The following SORCS1 variants were observed in gnomAD, a reference collection of about 807,000 sequenced individuals.
The protein encoded by SORCS1 is sortilin related VPS10 domain containing receptor 1.
In SORCS1, 60 loss-of-function variants were observed where a neutral mutation model predicts 146.1. That is an observed-to-expected ratio of 0.41 (90% CI 0.33 to 0.51). SORCS1 has a LOEUF of 0.51. Ranked by LOEUF, SORCS1 falls within the 20% of genes least tolerant of loss-of-function variation. The pLI, the probability that SORCS1 is intolerant of heterozygous loss-of-function variation, is 0.21. For synonymous variants in SORCS1, 637 were observed against 584.0 expected (o/e 1.09, Z -1.31); for missense variants, 1,352 against 1,487.6 (o/e 0.91, Z 1.50).
At chr10:106,690,015 A>C (rs1339771671) in intron 9 of SORCS1, among the ~76,000 whole-genome samples, 1 of 152,224 alleles carries the variant, frequency 6.6e-6, no homozygotes, top group Non-Finnish European at 1.5e-5. Flanking sequence ...CTCAGGAAAC[A>C]AGGTGCATTC....
At chr10:106,809,212 AAAAT>A (rs540626014) in intron 3 of SORCS1, among the ~76,000 whole-genome samples, 1 of 151,814 alleles carries the variant, frequency 6.6e-6, no homozygotes. Flanking sequence ...GTATACAATA[AAAAT>A]AAATAAATAA....
intron 1 of SORCS1, among the ~76,000 whole-genome samples, chr10:107,077,843 T>C (rs1963015009): frequency 6.6e-6 from 1 of 152,068 alleles, no homozygotes; most frequent in South Asian, 2.1e-4. Context: ...TAGATAAGCA[T>C]ATGGTAATTA....
Position 106,574,953 on chromosome 10 carries a change from A to G in SORCS1, c.*2467T>C, listed in dbSNP as rs769801681. ...AGCCCATTCTTCCCTATGTCTTTCC[A>G]TTCATTTATTTCTTCAACAAATAGT... On this transcript the variant is annotated 3_prime_UTR_variant, in exon 26 of 26. Coordinates refer to ENST00000263054, the MANE Select transcript of SORCS1 (RefSeq NM_052918.5). 1 of 152,558 alleles carries G rather than the reference A, an allele frequency of 6.6e-6. No homozygotes were observed. Among genetic ancestry groups the G allele is most frequent in the Non-Finnish European group, 1.5e-5 (1 of 68,042 alleles). 9.5% of individuals were successfully genotyped at this position (152,558 alleles called of 1,614,324 possible). A position where few individuals can be genotyped will look rare whatever the true frequency, so the allele number is the denominator to read the frequency against.
At chr10:106,583,629 G>A (rs1310294014) in intron 24 of SORCS1, among the ~76,000 whole-genome samples, 1 of 151,904 alleles carries the variant, frequency 6.6e-6, no homozygotes, top group Non-Finnish European at 1.5e-5. Context: ...TCAGCCTCTC[G>A]AGTAGCTGAG....
intron 13 of SORCS1, among the ~76,000 whole-genome samples, chr10:106,675,999 G>A (rs527612568): frequency 3.3e-5 from 5 of 152,088 alleles, no homozygotes; most frequent in South Asian, 2.1e-4. Context: ...ATTAATTTCC[G>A]TTGTTTATAA....
chr10:106,833,862 C>T (rs1467154588), intron 2 of SORCS1, among the ~76,000 whole-genome samples: 1 of 152,066 alleles, frequency 6.6e-6, no homozygotes, highest in East Asian at 1.9e-4. Flanking sequence ...GGCGCAATCT[C>T]GGCTCACTGC....
intron 3 of SORCS1, among the ~76,000 whole-genome samples, chr10:106,783,642 A>G (rs1251834825): frequency 6.6e-6 from 1 of 152,240 alleles, no homozygotes; most frequent in Non-Finnish European, 1.5e-5. Flanking sequence ...AGACGACACT[A>G]TATTCTTGAA....
intron 5 of SORCS1, among the ~76,000 whole-genome samples, chr10:106,730,779 T>C (rs1372552543): frequency 2.0e-5 from 3 of 152,340 alleles, no homozygotes. Context: ...AAATAATTAT[T>C]ATTCTGGAAC....
chr10:107,136,329 A>G (rs1417160693), intron 1 of SORCS1, among the ~76,000 whole-genome samples: 1 of 152,204 alleles, frequency 6.6e-6, no homozygotes, highest in Non-Finnish European at 1.5e-5. Flanking sequence ...CTAAAAACCA[A>G]AAAGAATGAG....
intron 2 of SORCS1, among the ~76,000 whole-genome samples, chr10:106,842,220 ATTATT>A (rs1328891396): frequency 6.6e-6 from 1 of 151,956 alleles, no homozygotes; most frequent in Non-Finnish European, 1.5e-5. Context: ...TGTATATGTT[ATTATT>A]TTATTATTTT....
chr10:106,609,863 G>C (rs998883765), intron 22 of SORCS1, among the ~76,000 whole-genome samples: 1 of 152,178 alleles, frequency 6.6e-6, no homozygotes, highest in African/African-American at 2.4e-5. Flanking sequence ...GCTAGTGCTT[G>C]GTTGATACAT....
chr10:106,793,326 T>A (rs913592444), intron 3 of SORCS1, among the ~76,000 whole-genome samples: 19 of 152,210 alleles, frequency 1.2e-4, no homozygotes, highest in African/African-American at 4.6e-4. Flanking sequence ...AATGCGGGCA[T>A]GCATTACATG....
intron 5 of SORCS1, among the ~76,000 whole-genome samples, chr10:106,744,875 A>C (rs1388317163): frequency 1.3e-5 from 2 of 152,186 alleles, no homozygotes; most frequent in Non-Finnish European, 2.9e-5. Flanking sequence ...AACAAAGAGG[A>C]AAGCTCAGAA....
At chr10:106,829,282 G>A (rs1197061436) in intron 3 of SORCS1, among the ~76,000 whole-genome samples, 2 of 152,152 alleles carry the variant, frequency 1.3e-5, no homozygotes, top group African/African-American at 4.8e-5. Flanking sequence ...CTGATTGACT[G>A]GTCAGAACTC....
At chr10:106,950,354 C>A (rs966332662) in intron 2 of SORCS1, among the ~76,000 whole-genome samples, 1 of 152,190 alleles carries the variant, frequency 6.6e-6, no homozygotes, top group Non-Finnish European at 1.5e-5. Context: ...AGGTCAACAG[C>A]CTCTTGGCCT....
chr10:106,955,350 C>A (rs541338827), intron 2 of SORCS1, among the ~76,000 whole-genome samples: 1 of 152,360 alleles, frequency 6.6e-6, no homozygotes, highest in Non-Finnish European at 1.5e-5. Context: ...TTGCACAGAG[C>A]CAATGCTGGA....
At chr10:107,052,249 T>A (rs568676660) in intron 1 of SORCS1, among the ~76,000 whole-genome samples, 1 of 152,260 alleles carries the variant, frequency 6.6e-6, no homozygotes, top group African/African-American at 2.4e-5. Context: ...GCACTGGGAA[T>A]CTATGGACAG....
At chr10:106,901,577 G>C (rs561365331) in intron 2 of SORCS1, among the ~76,000 whole-genome samples, 1 of 152,218 alleles carries the variant, frequency 6.6e-6, no homozygotes, top group African/African-American at 2.4e-5. Flanking sequence ...GAGACTAAAG[G>C]CATGTGCCAC....
At chr10:106,850,268 G>T (rs935774909) in intron 2 of SORCS1, among the ~76,000 whole-genome samples, 2 of 152,196 alleles carry the variant, frequency 1.3e-5, no homozygotes, top group Admixed American at 1.3e-4. Context: ...TCCGAGCCAG[G>T]TGTGGGATAT....
Sources: allele counts gnomAD v4.1 joint callset (sites outside exome capture counted in the v4.1 genomes callset), GRCh38; gene constraint gnomAD v4.1.1; transcripts MANE v1.5; gene names NCBI Gene and HGNC (gene_info 2026-07-23, HGNC 2026-07-21).